POFUT3: variants seen among roughly 807,000 people sequenced by gnomAD.
POFUT3 encodes protein O-fucosyltransferase 3.
At chr8:33,453,710 G>A in the POFUT3 span, among the ~76,000 whole-genome samples, 1 of 152,208 alleles carries the variant, frequency 6.6e-6, no homozygotes, top group Non-Finnish European at 1.5e-5. Flanking sequence ...CGTCAGGGGG[G>A]CAAGGTGGAA....
the POFUT3 span, among the ~76,000 whole-genome samples, chr8:33,437,605 G>C: frequency 2.6e-5 from 4 of 152,172 alleles, no homozygotes; most frequent in Non-Finnish European, 1.5e-5. Flanking sequence ...GAGGTCAGGA[G>C]TTTGAGACCA....
the POFUT3 span, among the ~76,000 whole-genome samples, chr8:33,373,888 T>C: frequency 3.9e-5 from 6 of 152,122 alleles, no homozygotes; most frequent in Non-Finnish European, 7.4e-5. Context: ...AACTTCACAG[T>C]GGGAAAACCT....
chr8:33,378,438 T>C, the POFUT3 span, among the ~76,000 whole-genome samples: 1 of 152,076 alleles, frequency 6.6e-6, no homozygotes, highest in Admixed American at 6.6e-5. Flanking sequence ...GGGAGGGGCA[T>C]AAACTCTCCC....
chr8:33,334,204 C>G, the POFUT3 span, among the ~76,000 whole-genome samples: 28 of 151,904 alleles, frequency 1.8e-4, no homozygotes, highest in Non-Finnish European at 3.4e-4. Flanking sequence ...CCCTGGTGAC[C>G]CTATTAAGTT....
chr8:33,374,047 C>A, the POFUT3 span, among the ~76,000 whole-genome samples: 1 of 152,180 alleles, frequency 6.6e-6, no homozygotes, highest in Admixed American at 6.5e-5. Context: ...GGCTGCAGAG[C>A]AGGAGGTGAG....
At chr8:33,437,792 A>G in the POFUT3 span, among the ~76,000 whole-genome samples, 1 of 152,176 alleles carries the variant, frequency 6.6e-6, no homozygotes, top group African/African-American at 2.4e-5. Flanking sequence ...CCTAGGTGAC[A>G]GAGTGAGACT....
chr8:33,340,677 T>C, the POFUT3 span, among the ~76,000 whole-genome samples: 2 of 151,860 alleles, frequency 1.3e-5, no homozygotes, highest in Admixed American at 6.6e-5. Flanking sequence ...GAGCCAAAAA[T>C]AGTACCAGAA....
chr8:33,442,517 C>G, the POFUT3 span, among the ~76,000 whole-genome samples: 1 of 152,140 alleles, frequency 6.6e-6, no homozygotes, highest in South Asian at 2.1e-4. Flanking sequence ...ATGTCCTGAC[C>G]TTGTGATCCG....
the POFUT3 span, among the ~76,000 whole-genome samples, chr8:33,434,573 A>G: frequency 6.6e-6 from 1 of 152,180 alleles, no homozygotes; most frequent in Non-Finnish European, 1.5e-5. Context: ...AAATAAGCAT[A>G]AAAGCTATTA....
chr8:33,436,439 TGGGAC>T, the POFUT3 span: 1 of 1,444,240 alleles, frequency 6.9e-7, no homozygotes, highest in South Asian at 1.1e-5. Flanking sequence ...TTGGTACAGG[TGGGAC>T]TGATGTTGCC....
chr8:33,356,519 GTTT>G, the POFUT3 span, among the ~76,000 whole-genome samples: 1 of 148,594 alleles, frequency 6.7e-6, no homozygotes, highest in African/African-American at 2.5e-5. Flanking sequence ...TGATGGGGTT[GTTT>G]TTTTTTTCTT....
At chr8:33,424,809 G>A in the POFUT3 span, among the ~76,000 whole-genome samples, 10 of 152,032 alleles carry the variant, frequency 6.6e-5, no homozygotes, top group African/African-American at 1.9e-4. Context: ...CCCTCTTGTC[G>A]CCAAATGGAA....
At chr8:33,405,657 G>T in the POFUT3 span, among the ~76,000 whole-genome samples, 1 of 152,102 alleles carries the variant, frequency 6.6e-6, no homozygotes, top group Non-Finnish European at 1.5e-5. Context: ...ATTTTAATTA[G>T]TGTTTATTAT....
the POFUT3 span, among the ~76,000 whole-genome samples, chr8:33,380,063 C>CTATATATATACAATATATATAT: frequency 2.1e-5 from 1 of 47,828 alleles, no homozygotes; most frequent in African/African-American, 1.5e-4. Context: ...TATATATATA[C>CTATATATATACAATATATATAT]ACTATATATA....
chr8:33,437,164 T>C, the POFUT3 span, among the ~76,000 whole-genome samples: 2 of 152,282 alleles, frequency 1.3e-5, no homozygotes, highest in East Asian at 1.9e-4. Context: ...CAATCCTCCA[T>C]TGATGGGCAC....
the POFUT3 span, among the ~76,000 whole-genome samples, chr8:33,456,577 T>G: frequency 1.1e-4 from 17 of 151,682 alleles, no homozygotes; most frequent in Non-Finnish European, 2.1e-4. Context: ...CCCAAACAGC[T>G]TTTTAAAAGG....
chr8:33,439,527 C>T, the POFUT3 span, among the ~76,000 whole-genome samples: 1 of 152,064 alleles, frequency 6.6e-6, no homozygotes, highest in Non-Finnish European at 1.5e-5. Context: ...CAGATCATAT[C>T]ACCCCTGCTT....
the POFUT3 span, among the ~76,000 whole-genome samples, chr8:33,343,786 A>G: frequency 6.6e-6 from 1 of 152,266 alleles, no homozygotes; most frequent in Non-Finnish European, 1.5e-5. Flanking sequence ...ATCCAACTTC[A>G]ATATTTGGAG....
chr8:33,457,265 T>A, the POFUT3 span, among the ~76,000 whole-genome samples: 22 of 152,126 alleles, frequency 1.4e-4, no homozygotes, highest in African/African-American at 5.3e-4. Flanking sequence ...CTGGCCAATA[T>A]AGTGAAACCT....
Sources: allele counts gnomAD v4.1 joint callset (sites outside exome capture counted in the v4.1 genomes callset), GRCh38; gene constraint gnomAD v4.1.1; transcripts MANE v1.5; gene names NCBI Gene and HGNC (gene_info 2026-07-23, HGNC 2026-07-21).